GLB1L3: variants seen among roughly 807,000 people sequenced by gnomAD.
The protein encoded by GLB1L3 is galactosidase beta 1 like 3, also known as beta-galactosidase-1-like protein 3.
A neutral mutation model predicts 89.5 loss-of-function variants in GLB1L3; 89 were observed. That is an observed-to-expected ratio of 0.99 (90% confidence interval 0.84 to 1.19). GLB1L3 has a LOEUF of 1.19. Among genes scored for constraint, GLB1L3 ranks in the 50% most tolerant of loss-of-function variants. GLB1L3 has a pLI of 0.00. For synonymous variants in GLB1L3, 314 were observed against 312.3 expected (o/e 1.01, Z -0.06); for missense variants, 812 against 813.3 (o/e 1.00, Z 0.02).
At position 134,293,639 on chromosome 11, in the gene GLB1L3, C is replaced by T. The variant is rs1422885758; in HGVS notation, c.876+430C>T. On this transcript the variant is annotated intron_variant, in intron 9 of 19. Coordinates refer to ENST00000431683, the MANE Select transcript of GLB1L3 (RefSeq NM_001080407.3). ...GATTTAAGACGTGGATTGAGCGGCTCCCACCTTCTCTCAGTGGGTGACCTC... is the reference window on the plus strand; with the variant it reads ...GATTTAAGACGTGGATTGAGCGGCTTCCACCTTCTCTCAGTGGGTGACCTC... Among the ~76,000 whole-genome samples the T allele has an allele frequency of 2.0e-5, 3 of 152,110 alleles. No individual in the cohort carries two copies. The East Asian group carries it at 5.8e-4, about 29-fold the overall frequency.
At chr11:134,294,115 G>A (rs968622753) in intron 9 of GLB1L3, among the ~76,000 whole-genome samples, 6 of 151,558 alleles carry the variant, frequency 4.0e-5, no homozygotes, top group African/African-American at 1.5e-4. Flanking sequence ...TGCCCAGGCT[G>A]GAGTGCAATG....
At chr11:134,321,269 C>G (rs531535933), downstream of GLB1L3, among the ~76,000 whole-genome samples, 2 of 152,178 alleles carry the variant, frequency 1.3e-5, no homozygotes, top group South Asian at 4.1e-4. Context: ...TTGAATATTC[C>G]TAGTTAATAA....
intron 9 of GLB1L3, among the ~76,000 whole-genome samples, chr11:134,295,027 T>G (rs1941556003): frequency 6.6e-6 from 1 of 152,250 alleles, no homozygotes; most frequent in Non-Finnish European, 1.5e-5. Flanking sequence ...ATTCATATTT[T>G]TGTTGAGAAT....
intron 9 of GLB1L3, among the ~76,000 whole-genome samples, chr11:134,299,194 A>G (rs765855122): frequency 1.3e-5 from 2 of 151,774 alleles, no homozygotes; most frequent in Non-Finnish European, 2.9e-5. Flanking sequence ...AGCCAAAATT[A>G]TCTATCTGAT....
In GLB1L3 at chr11:134,292,142, G is replaced by GA. The variant is rs780443869; in HGVS notation, c.742dup (p.Arg248LysfsTer11). 6.2e-7 allele frequency: 1 copy of GA among 1,613,518 alleles called. No homozygotes were observed. Among genetic ancestry groups the GA allele is most frequent in the Admixed American group, 1.7e-5 (1 of 60,018 alleles). On this transcript the variant is annotated frameshift_variant, in exon 8 of 20. Coordinates refer to ENST00000431683, the MANE Select transcript of GLB1L3 (RefSeq NM_001080407.3). LOFTEE classifies it high-confidence loss of function. ...TAATTTTCTCAACAGGCCCTGCTGA[G>GA]AAGAGGGATTGTGGAGCTTCTCTTG...
downstream of GLB1L3, among the ~76,000 whole-genome samples, chr11:134,320,723 A>G (rs1260864350): frequency 6.9e-6 from 1 of 144,490 alleles, no homozygotes; most frequent in Non-Finnish European, 1.5e-5. Flanking sequence ...CAGCAAAACT[A>G]TTTTACAAGA....
chr11:134,306,677 G>A (rs1297741721), intron 9 of GLB1L3, among the ~76,000 whole-genome samples: 1 of 152,192 alleles, frequency 6.6e-6, no homozygotes, highest in African/African-American at 2.4e-5. Flanking sequence ...CTGTAGAGGA[G>A]GTGTCACCTT....
intron 6 of GLB1L3, among the ~76,000 whole-genome samples, chr11:134,284,083 G>A (rs1940853643): frequency 2.6e-5 from 4 of 152,178 alleles, no homozygotes; most frequent in Non-Finnish European, 5.9e-5. Context: ...GCAGGGACTG[G>A]TTGTCCACAT....
At chr11:134,319,744 G>A (rs528690233), downstream of GLB1L3, among the ~76,000 whole-genome samples, 2 of 138,460 alleles carry the variant, frequency 1.4e-5, no homozygotes, top group African/African-American at 2.5e-5. Flanking sequence ...GTGTGTGTGT[G>A]TGTGCGCGCG....
intron 4 of GLB1L3, among the ~76,000 whole-genome samples, chr11:134,281,815 C>T (rs1362285401): frequency 6.9e-6 from 1 of 144,844 alleles, no homozygotes; most frequent in Non-Finnish European, 1.5e-5. Flanking sequence ...CACCCTTCCT[C>T]CTCAGGCCCC....
At position 134,309,743 on chromosome 11, in the gene GLB1L3, C is replaced by G. The variant is rs369128716; in HGVS notation, c.1079C>G (p.Ser360Trp). The change falls in exon 11 of 20, where the codon TCG becomes TGG. Residue 360 changes from serine to tryptophan, a missense_variant. Coordinates refer to ENST00000431683, the MANE Select transcript of GLB1L3 (RefSeq NM_001080407.3). ...GGGGCCACATATTTCGGGAAGCACTCGGGCATTGTCACCAGCTATGGCAAG... is the reference window on the plus strand; with the variant it reads ...GGGGCCACATATTTCGGGAAGCACTGGGGCATTGTCACCAGCTATGGCAAG... The part of the protein sequence containing the change: ...MNGATYFGKH[S>W]GIVTSYDYDA... The G allele has an allele frequency of 2.0e-4, 320 of 1,613,282 alleles. 4 individuals carry two copies. In the East Asian group the frequency reaches 3.7e-3, roughly 19 times the overall value.
chr11:134,308,196 TCACCACTACCAC>T lies in GLB1L3; in HGVS notation c.961+995_961+1006del, dbSNP rs1565412230. Reference sequence around the variant, plus strand: ...ACCACCACCATCACCATCATCACCATCACCACTACCACCACCACCATCACCATCACCACCACC... The same window carrying T: ...ACCACCACCATCACCATCATCACCATCACCACCATCACCATCACCACCACC... On this transcript the variant is annotated intron_variant, in intron 10 of 19. Transcript: ENST00000431683. Among the ~76,000 whole-genome samples, 8 of 68,854 alleles carry T rather than the reference TCACCACTACCAC, an allele frequency of 1.2e-4. 1 individual carries two copies. Among genetic ancestry groups the T allele is most frequent in the Non-Finnish European group, 1.8e-4 (7 of 38,264 alleles). 45.2% of individuals were successfully genotyped at this position (68,854 alleles called of 152,430 possible).
At chr11:134,321,918 TAAAA>T (rs34751396), downstream of GLB1L3, among the ~76,000 whole-genome samples, 1,030 of 147,986 alleles carry the variant, frequency 7.0e-3, 14 homozygotes, top group African/African-American at 0.025. Context: ...TAAAGTATAA[TAAAA>T]AAAAAAGTAC....
At chr11:134,318,290 G>A (rs966388412) in intron 18 of GLB1L3, among the ~76,000 whole-genome samples, 1 of 152,128 alleles carries the variant, frequency 6.6e-6, no homozygotes, top group South Asian at 2.1e-4. Flanking sequence ...TTTTAAAAAT[G>A]TGCAGCTTTT....
downstream of GLB1L3, among the ~76,000 whole-genome samples, chr11:134,321,972 T>C (rs1158128233): frequency 6.6e-6 from 1 of 152,076 alleles, no homozygotes; most frequent in East Asian, 1.9e-4. Context: ...TAAATACAGA[T>C]ATATCAGCAA....
At position 134,307,919 on chromosome 11, in the gene GLB1L3, C is replaced by T. The variant is rs547954605; in HGVS notation, c.961+711C>T. On this transcript the variant is annotated intron_variant, in intron 10 of 19. Transcript: ENST00000431683. Reference sequence around the variant, plus strand: ...GCATTTGTGTCTACAGAAGATATTTCGAAAGAGCTGTTATGAAAACAAGGC... The same window carrying T: ...GCATTTGTGTCTACAGAAGATATTTTGAAAGAGCTGTTATGAAAACAAGGC... Among the ~76,000 whole-genome samples the T allele has an allele frequency of 7.9e-5, 12 of 152,004 alleles. No homozygotes were observed. In the South Asian group the frequency reaches 1.2e-3, roughly 16 times the overall value.
intron 9 of GLB1L3, among the ~76,000 whole-genome samples, chr11:134,297,604 T>C (rs576217741): frequency 1.7e-4 from 26 of 152,232 alleles, no homozygotes; most frequent in African/African-American, 6.0e-4. Flanking sequence ...CTCACGCCTG[T>C]AATCCCAGCA....
chr11:134,277,505 T>G, intron 2 of GLB1L3, 54 bp downstream of exon 2: 2 of 1,596,860 alleles, frequency 1.3e-6, no homozygotes, highest in Non-Finnish European at 1.7e-6. Context: ...TCTCCTTTCT[T>G]GGAGAAAATA....
chr11:134,286,863 A>G (rs1469283735), intron 6 of GLB1L3, among the ~76,000 whole-genome samples: 1 of 152,022 alleles, frequency 6.6e-6, no homozygotes, highest in Non-Finnish European at 1.5e-5. Flanking sequence ...AAACATTTAT[A>G]CAAAATTAAT....
Sources: allele counts gnomAD v4.1 joint callset (sites outside exome capture counted in the v4.1 genomes callset), GRCh38; gene constraint gnomAD v4.1.1; transcripts MANE v1.5; gene names NCBI Gene and HGNC (gene_info 2026-07-23, HGNC 2026-07-21).